Variants in KCNIP4 observed in about 807,000 individuals in gnomAD.
KCNIP4 encodes Kv channel-interacting protein 4.
A neutral mutation model predicts 34.0 loss-of-function variants in KCNIP4; 12 were observed. That is an observed-to-expected ratio of 0.35 (90% CI 0.23 to 0.57). The LOEUF is 0.57. Ranked by LOEUF, KCNIP4 falls within the 20% of genes least tolerant of loss-of-function variation. The pLI, the probability that KCNIP4 is intolerant of heterozygous loss-of-function variation, is 0.83. For synonymous variants in KCNIP4, 124 were observed against 102.2 expected, an observed-to-expected ratio of 1.21 and a Z score of -1.29; for missense variants, 238 against 311.7, an observed-to-expected ratio of 0.76 and a Z score of 1.78.
chr4:21,285,205 T>G (rs546361898), intron 1 of KCNIP4, among the ~76,000 whole-genome samples: 1 of 152,316 alleles, frequency 6.6e-6, no homozygotes, highest in African/African-American at 2.4e-5. Context: ...TTTAATTACA[T>G]GCATTATTTA....
intron 1 of KCNIP4, among the ~76,000 whole-genome samples, chr4:21,139,082 A>T (rs1020330051): frequency 6.6e-6 from 1 of 152,134 alleles, no homozygotes; most frequent in African/African-American, 2.4e-5. Flanking sequence ...AACACTAGGT[A>T]TTTTTTTAAC....
chr4:21,157,806 T>C (rs1316469494), intron 1 of KCNIP4, among the ~76,000 whole-genome samples: 2 of 152,032 alleles, frequency 1.3e-5, no homozygotes, highest in Non-Finnish European at 2.9e-5. Flanking sequence ...AAATCCCCTG[T>C]AAGCAAAAGG....
chr4:21,646,223 T>C (rs115316113), intron 1 of KCNIP4, among the ~76,000 whole-genome samples: 4,147 of 152,276 alleles, frequency 0.027, 198 homozygotes, highest in African/African-American at 0.093. Flanking sequence ...GTATAGTAGA[T>C]TCTATAATAT....
At chr4:21,500,902 C>T (rs190418739) in intron 1 of KCNIP4, among the ~76,000 whole-genome samples, 29 of 152,194 alleles carry the variant, frequency 1.9e-4, no homozygotes, top group Admixed American at 1.8e-3. Flanking sequence ...CCATTCTTAA[C>T]GTGCACTATG....
intron 1 of KCNIP4, among the ~76,000 whole-genome samples, chr4:20,982,131 T>C (rs1275172131): frequency 6.6e-6 from 1 of 152,228 alleles, no homozygotes; most frequent in African/African-American, 2.4e-5. Context: ...TTTAAATTTC[T>C]ACATTATTAA....
chr4:20,952,082 C>G (rs1577423269), intron 1 of KCNIP4, among the ~76,000 whole-genome samples: 1 of 152,000 alleles, frequency 6.6e-6, no homozygotes, highest in East Asian at 1.9e-4. Flanking sequence ...AAAATATTAT[C>G]AAGGAAAAAT....
At chr4:21,907,615 T>C (rs1728075093) in intron 1 of KCNIP4, among the ~76,000 whole-genome samples, 1 of 152,194 alleles carries the variant, frequency 6.6e-6, no homozygotes, top group South Asian at 2.1e-4. Context: ...TCTTCAGCTT[T>C]ATGATGTCAA....
At chr4:21,668,706 A>C (rs1038978423) in intron 1 of KCNIP4, among the ~76,000 whole-genome samples, 1 of 152,168 alleles carries the variant, frequency 6.6e-6, no homozygotes, top group Non-Finnish European at 1.5e-5. Context: ...CAAATATTTA[A>C]TTTTTTATCA....
chr4:21,198,436 T>C (rs745939300), intron 1 of KCNIP4, among the ~76,000 whole-genome samples: 3 of 152,190 alleles, frequency 2.0e-5, no homozygotes, highest in East Asian at 3.9e-4. Flanking sequence ...GGGGTGACCA[T>C]TGAGTGCTGT....
chr4:21,890,568 C>T (rs371531789), intron 1 of KCNIP4, among the ~76,000 whole-genome samples: 11 of 152,122 alleles, frequency 7.2e-5, no homozygotes, highest in African/African-American at 2.6e-4. Flanking sequence ...TAAAAATGTA[C>T]AGGCAGCTTC....
chr4:20,794,716 G>A (rs1470327652), intron 3 of KCNIP4, among the ~76,000 whole-genome samples: 6 of 152,102 alleles, frequency 3.9e-5, no homozygotes, highest in South Asian at 2.1e-4. Flanking sequence ...TGGGTTATGC[G>A]ATATTTGCCT....
At chr4:21,451,070 T>A (rs528550268) in intron 1 of KCNIP4, among the ~76,000 whole-genome samples, 1 of 152,276 alleles carries the variant, frequency 6.6e-6, no homozygotes, top group Non-Finnish European at 1.5e-5. Context: ...AGGTGTTTCA[T>A]ACATTGAGAA....
intron 1 of KCNIP4, among the ~76,000 whole-genome samples, chr4:21,496,482 A>G (rs1040630037): frequency 1.3e-5 from 2 of 152,154 alleles, no homozygotes; most frequent in African/African-American, 4.8e-5. Context: ...TAATCTCCAC[A>G]CTGGTGCTGT....
intron 1 of KCNIP4, among the ~76,000 whole-genome samples, chr4:21,420,199 G>A (rs895393774): frequency 7.9e-5 from 12 of 152,084 alleles, no homozygotes; most frequent in African/African-American, 2.9e-4. Flanking sequence ...GCATTGCACT[G>A]GATATCTTAT....
chr4:21,492,115 A>G (rs1495514), intron 1 of KCNIP4, among the ~76,000 whole-genome samples: 5,758 of 152,300 alleles, frequency 0.038, 329 homozygotes, highest in African/African-American at 0.12. Flanking sequence ...AGTTGGCCAT[A>G]TTAACAAAAA....
At chr4:21,695,725 C>A (rs1487362710) in intron 1 of KCNIP4, among the ~76,000 whole-genome samples, 1 of 152,056 alleles carries the variant, frequency 6.6e-6, no homozygotes, top group Non-Finnish European at 1.5e-5. Flanking sequence ...GTACCTAAAT[C>A]CAGTCAGAAA....
At chr4:21,490,874 G>T (rs1732331188) in intron 1 of KCNIP4, among the ~76,000 whole-genome samples, 1 of 152,062 alleles carries the variant, frequency 6.6e-6, no homozygotes, top group Non-Finnish European at 1.5e-5. Context: ...GGGTGGCCAA[G>T]TTGCTTAACT....
intron 1 of KCNIP4, among the ~76,000 whole-genome samples, chr4:21,197,493 T>C (rs774608843): frequency 6.6e-6 from 1 of 152,268 alleles, no homozygotes; most frequent in South Asian, 2.1e-4. Context: ...TTTTACAGAT[T>C]TTTTTCAATA....
chr4:21,315,434 T>G (rs1033774212), intron 1 of KCNIP4: 1 of 152,264 alleles, frequency 6.6e-6, no homozygotes, highest in Admixed American at 6.5e-5. Context: ...ATACAACGCA[T>G]GTGTTAATCC....
Sources: allele counts gnomAD v4.1 joint callset (sites outside exome capture counted in the v4.1 genomes callset), GRCh38; gene constraint gnomAD v4.1.1; transcripts MANE v1.5; gene names NCBI Gene and HGNC (gene_info 2026-07-23, HGNC 2026-07-21).